The following CHST9 variants were observed in gnomAD, a reference collection of about 807,000 sequenced individuals.
CHST9 encodes the protein GalNAc-4-sulfotransferase 2.
CHST9 carries 41 observed loss-of-function variants against 44.4 expected under a neutral mutation model. The ratio of observed to expected loss-of-function variants is 0.92; its 90% CI spans 0.72 to 1.20. The LOEUF (loss-of-function observed/expected upper bound fraction) is 1.20, where lower values mean the gene tolerates loss of function less well. CHST9 is among the 50% of genes most tolerant of loss of function. The pLI is 0.00. For missense variants in CHST9, 504 were observed against 516.5 expected (o/e 0.98, Z 0.23); for synonymous variants, 171 against 178.4 (o/e 0.96, Z 0.33).
At chr18:27,072,879 G>A (rs2057856476) in intron 2 of CHST9, among the ~76,000 whole-genome samples, 1 of 152,106 alleles carries the variant, frequency 6.6e-6, no homozygotes, top group Non-Finnish European at 1.5e-5. Flanking sequence ...GTAGATCCTT[G>A]CAACTCAAAG....
intron 2 of CHST9, among the ~76,000 whole-genome samples, chr18:27,139,783 G>T (rs1250354919): frequency 6.6e-6 from 1 of 152,010 alleles, no homozygotes; most frequent in African/African-American, 2.4e-5. Context: ...GAGAATAAAT[G>T]GTAAGTGTTT....
intron 4 of CHST9, among the ~76,000 whole-genome samples, chr18:27,016,117 C>T (rs2057151032): frequency 6.6e-6 from 1 of 152,216 alleles, no homozygotes; most frequent in African/African-American, 2.4e-5. Context: ...TTTTTGGGCA[C>T]TCTAAACAAA....
At chr18:27,154,839 T>G (rs1483590493) in intron 1 of CHST9, among the ~76,000 whole-genome samples, 3 of 151,896 alleles carry the variant, frequency 2.0e-5, no homozygotes, top group Non-Finnish European at 4.4e-5. Flanking sequence ...TCCCAGCACT[T>G]TGGGAGGCTG....
At chr18:27,100,257 G>C (rs1436605714) in intron 2 of CHST9, among the ~76,000 whole-genome samples, 1 of 152,124 alleles carries the variant, frequency 6.6e-6, no homozygotes, top group Non-Finnish European at 1.5e-5. Context: ...GGGACTTCTA[G>C]AGTGAGGAGG....
chr18:27,018,525 A>G (rs1468669487), intron 4 of CHST9, among the ~76,000 whole-genome samples: 2 of 152,184 alleles, frequency 1.3e-5, no homozygotes, highest in African/African-American at 4.8e-5. Context: ...GAAGGTACAA[A>G]CTGTTGGAAA....
intron 2 of CHST9, among the ~76,000 whole-genome samples, chr18:27,125,568 A>G (rs1486450757): frequency 6.6e-6 from 1 of 152,218 alleles, no homozygotes; most frequent in Non-Finnish European, 1.5e-5. Flanking sequence ...CAATTTTTTT[A>G]AGAATTAATG....
chr18:26,952,739 T>C (rs553720998), intron 4 of CHST9, among the ~76,000 whole-genome samples: 9 of 152,306 alleles, frequency 5.9e-5, no homozygotes, highest in African/African-American at 1.9e-4. Context: ...CCAAAAAATA[T>C]AATACCTTCA....
At chr18:27,174,786 T>C (rs1030949684) in intron 1 of CHST9, among the ~76,000 whole-genome samples, 1 of 152,060 alleles carries the variant, frequency 6.6e-6, no homozygotes, top group Non-Finnish European at 1.5e-5. Context: ...GTCAATGTGC[T>C]CTAATCCATT....
chr18:26,938,611 GA>G, intron 5 of CHST9, among the ~76,000 whole-genome samples: 1 of 152,318 alleles, frequency 6.6e-6, no homozygotes, highest in East Asian at 1.9e-4. Flanking sequence ...ACACTACACT[GA>G]AAAGTCATCA....
intron 4 of CHST9, among the ~76,000 whole-genome samples, chr18:27,011,803 C>T (rs988024035): frequency 3.9e-5 from 6 of 152,250 alleles, no homozygotes; most frequent in South Asian, 4.1e-4. Flanking sequence ...GCTAGACTCA[C>T]GGCTTCTGCT....
Position 27,158,794 on chromosome 18 carries a change from A to G in CHST9, c.-96-15889T>C, listed in dbSNP as rs540630373. On this transcript the variant is annotated intron_variant, in intron 1 of 5. Coordinates refer to ENST00000618847, the MANE Select transcript of CHST9 (RefSeq NM_031422.6). The stretch of plus-strand genomic sequence containing the variant: ...GTTTCCTGACTTTTTAATGATTGCC[A>G]TTCTAACTGGTGTGAGATGGTATCT... Among the ~76,000 whole-genome samples the G allele has an allele frequency of 2.7e-4, 41 of 151,482 alleles. No homozygotes were observed. In the South Asian group the frequency reaches 6.7e-3, roughly 25 times the overall value.
chr18:26,972,749 T>C (rs2056565967), intron 4 of CHST9, among the ~76,000 whole-genome samples: 1 of 152,198 alleles, frequency 6.6e-6, no homozygotes, highest in Non-Finnish European at 1.5e-5. Flanking sequence ...AGCAAGACAG[T>C]GATCCAGATG....
Position 27,138,973 on chromosome 18 carries a change from T to C in CHST9, c.121+3716A>G, listed in dbSNP as rs1304893627. 6.6e-5 allele frequency among the ~76,000 whole-genome samples: 10 copies of C among 152,280 alleles called. No individual in the cohort carries two copies. The East Asian group carries it at 7.7e-4, about 12-fold the overall frequency. ...ATGGATAAATTAATGGATAGTGATA[T>C]TGAAAAAGTAGATGGTATTATGGAA... On this transcript the variant is annotated intron_variant, in intron 2 of 5. Coordinates refer to ENST00000618847, the MANE Select transcript of CHST9 (RefSeq NM_031422.6).
intron 5 of CHST9, among the ~76,000 whole-genome samples, chr18:26,919,780 G>A (rs1194868092): frequency 6.6e-6 from 1 of 152,062 alleles, no homozygotes; most frequent in African/African-American, 2.4e-5. Flanking sequence ...ATCTCCAGGG[G>A]TTTCTGGAAT....
rs943435981 is a variant in CHST9, at chr18:26,908,605, T to G, written c.*7654A>C. The G allele has an allele frequency of 6.6e-6, 1 of 152,200 alleles. No individual in the cohort carries two copies. The highest frequency in any genetic ancestry group is 2.4e-5 in the African/African-American group (1 of 41,460). 9.4% of individuals were successfully genotyped at this position (152,200 alleles called of 1,614,324 possible). Reference sequence around the variant, plus strand: ...TAAATAAAAAAGGCAGGACTTCTATTCAGAGGCTATTTCCAATAGTTCTGA... The same window carrying G: ...TAAATAAAAAAGGCAGGACTTCTATGCAGAGGCTATTTCCAATAGTTCTGA... On this transcript the variant is annotated 3_prime_UTR_variant, in exon 6 of 6. Coordinates refer to ENST00000618847, the MANE Select transcript of CHST9 (RefSeq NM_031422.6).
intron 2 of CHST9, among the ~76,000 whole-genome samples, chr18:27,111,827 G>T (rs2058273191): frequency 6.6e-6 from 1 of 152,148 alleles, no homozygotes; most frequent in African/African-American, 2.4e-5. Flanking sequence ...GCACAAAAAG[G>T]TGAGAAAGGT....
At chr18:27,144,459 G>A (rs1419576241) in intron 1 of CHST9, among the ~76,000 whole-genome samples, 1 of 152,122 alleles carries the variant, frequency 6.6e-6, no homozygotes, top group Admixed American at 6.5e-5. Context: ...CTGGAGGACT[G>A]CTTGACCTCA....
At chr18:27,107,591 C>A (rs569159055) in intron 2 of CHST9, among the ~76,000 whole-genome samples, 1 of 152,310 alleles carries the variant, frequency 6.6e-6, no homozygotes, top group Admixed American at 6.5e-5. Flanking sequence ...AAACTTTTGT[C>A]TTCCTAGTGT....
At chr18:27,045,201 T>C (rs980106124) in intron 3 of CHST9, among the ~76,000 whole-genome samples, 15 of 152,050 alleles carry the variant, frequency 9.9e-5, no homozygotes, top group African/African-American at 3.6e-4. Flanking sequence ...GGCTATTCTT[T>C]CCATTATACT....
Sources: allele counts gnomAD v4.1 joint callset (sites outside exome capture counted in the v4.1 genomes callset), GRCh38; gene constraint gnomAD v4.1.1; transcripts MANE v1.5; gene names NCBI Gene and HGNC (gene_info 2026-07-23, HGNC 2026-07-21).